DNAJC5: variants seen among roughly 807,000 people sequenced by gnomAD.
DNAJC5 encodes DnaJ heat shock protein family (Hsp40) member C5, also known as dnaJ homolog subfamily C member 5.
DNAJC5 carries 1 observed loss-of-function variant against 23.2 expected under a neutral mutation model. The observed-to-expected ratio is 0.04, with a 90% CI of 0.02 to 0.20. The LOEUF is 0.20. Among genes scored for constraint, DNAJC5 ranks in the 10% least tolerant of loss-of-function variants. DNAJC5 has a pLI of 1.00. For missense variants in DNAJC5, 180 were observed against 267.0 expected (o/e 0.67, Z 2.27); for synonymous variants, 136 against 120.0 (o/e 1.13, Z -0.87).
intron 1 of DNAJC5, among the ~76,000 whole-genome samples, chr20:63,904,627 A>G (rs776899502): frequency 5.3e-5 from 8 of 152,146 alleles, no homozygotes; most frequent in Non-Finnish European, 1.2e-4. Context: ...CTGGTTAAGG[A>G]TAAATAGGCA....
intron 1 of DNAJC5, among the ~76,000 whole-genome samples, chr20:63,902,956 C>T (rs181174588): frequency 2.2e-4 from 33 of 152,086 alleles, no homozygotes; most frequent in African/African-American, 7.7e-4. Flanking sequence ...GGATTAGAGG[C>T]GTGAGCCACC....
intron 1 of DNAJC5, among the ~76,000 whole-genome samples, chr20:63,895,555 G>A (rs2053368957): frequency 6.6e-6 from 1 of 150,472 alleles, no homozygotes; most frequent in Non-Finnish European, 1.5e-5. Context: ...GGGCCGGGCC[G>A]GGCCGGGGGT....
chr20:63,905,749 T>C (rs952072862), intron 1 of DNAJC5, among the ~76,000 whole-genome samples: 2 of 150,992 alleles, frequency 1.3e-5, no homozygotes, highest in Non-Finnish European at 3.0e-5. Flanking sequence ...TTTTTTTTTT[T>C]CTGGAGACAA....
chr20:63,931,044 C>CGT lies in DNAJC5; in HGVS notation c.493+34_493+35dup, dbSNP rs770258195. The CGT allele has an allele frequency of 9.8e-5, 157 of 1,608,048 alleles. No individual in the cohort carries two copies. The highest frequency in any genetic ancestry group is 3.3e-4 in the Middle Eastern group (2 of 6,050). ...AGGGGTGAGTGCCCGCCCCAGGGCCCGTGTGTGTGTGTGGGGCAGAGCCAG... is the reference window on the plus strand; with the variant it reads ...AGGGGTGAGTGCCCGCCCCAGGGCCCGTGTGTGTGTGTGTGGGGCAGAGCCAG... On this transcript the variant is annotated intron_variant, in intron 4 of 4. Coordinates refer to ENST00000360864, the MANE Select transcript of DNAJC5 (RefSeq NM_025219.3). The surrounding 1 kb of genome is among the most constrained non-coding windows in gnomAD (Gnocchi z 9.6).
In DNAJC5 at chr20:63,934,230, C is replaced by T. The variant is rs2053698332; in HGVS notation, c.*2662C>T. On this transcript the variant is annotated 3_prime_UTR_variant, in exon 5 of 5. Coordinates refer to ENST00000360864, the MANE Select transcript of DNAJC5 (RefSeq NM_025219.3). ...TTTATTTCTCTCTTTCTTGAGTGGA[C>T]TGTTTCCCTATAATTAAAAGAGGTG... 1 of 152,246 alleles carries T rather than the reference C, an allele frequency of 6.6e-6. No homozygotes were observed. Among genetic ancestry groups the T allele is most frequent in the Admixed American group, 6.5e-5 (1 of 15,286 alleles). The allele number at this position is 152,246 out of a possible 1,614,324, so 9.4% of individuals were successfully genotyped here.
rs924691719 is a variant in DNAJC5 at position 63,916,260 on chromosome 20, C to T, written c.-11-12075C>T. 5.9e-5 allele frequency among the ~76,000 whole-genome samples: 9 copies of T among 152,186 alleles called. 1 individual carries two copies. Among genetic ancestry groups the T allele is most frequent in the Admixed American group, 3.3e-4 (5 of 15,270 alleles). ...ATCATGCCTGGTTATCGGGGGAACC[C>T]GCCCCCAATATTTCAATGTAGGTTC... On this transcript the variant is annotated intron_variant, in intron 1 of 4. Transcript: ENST00000360864.
intron 1 of DNAJC5, among the ~76,000 whole-genome samples, chr20:63,900,712 A>C (rs1300818974): frequency 1.3e-5 from 2 of 151,934 alleles, no homozygotes; most frequent in Non-Finnish European, 2.9e-5. Context: ...CAAAAAACTT[A>C]TTTCTATGAC....
intron 1 of DNAJC5, among the ~76,000 whole-genome samples, chr20:63,902,071 G>C (rs1257328684): frequency 2.0e-5 from 3 of 150,622 alleles, no homozygotes; most frequent in Non-Finnish European, 4.4e-5. Flanking sequence ...TTTTTTGGGT[G>C]GGGGACAGAG....
chr20:63,929,806 C>T lies in DNAJC5; in HGVS notation c.321+281C>T, dbSNP rs1441226710. On this transcript the variant is annotated intron_variant, in intron 3 of 4. Transcript: ENST00000360864. The surrounding 1 kb of genome is among the most constrained non-coding windows in gnomAD (Gnocchi z 8.6). ...TGCAGGGTTCCCAGCATTGCAGAGC[C>T]CATGCGTTGATGCCAGCAACTCTAC... is the stretch of plus-strand genomic sequence containing the variant. Among the ~76,000 whole-genome samples the T allele has an allele frequency of 6.6e-6, 1 of 152,230 alleles. No individual in the cohort carries two copies. The highest frequency in any genetic ancestry group is 2.4e-5 in the African/African-American group (1 of 41,460).
At position 63,931,149 on chromosome 20, in the gene DNAJC5, C is replaced by G; in HGVS notation, c.493+127C>G. ...GTGCCGCGAGTGTTTGTGGTGGCAG[C>G]TGGGACTGTTGAGGTGTGAACGTGG... is the stretch of plus-strand genomic sequence containing the variant. On this transcript the variant is annotated intron_variant, in intron 4 of 4. Transcript: ENST00000360864. The surrounding 1 kb of genome is among the most constrained non-coding windows in gnomAD (Gnocchi z 9.6). 9.2e-7 allele frequency: 1 copy of G among 1,082,428 alleles called. No homozygotes were observed. Among genetic ancestry groups the G allele is most frequent in the Non-Finnish European group, 1.4e-6 (1 of 730,378 alleles). 67.1% of individuals were successfully genotyped at this position (1,082,428 alleles called of 1,614,324 possible).
At position 63,933,447 on chromosome 20, in the gene DNAJC5, T is replaced by TG; in HGVS notation, c.*1879_*1880insG. The TG allele has an allele frequency of 6.6e-6, 1 of 152,432 alleles. No homozygotes were observed. Among genetic ancestry groups the TG allele is most frequent in the East Asian group, 1.9e-4 (1 of 5,314 alleles). The allele number at this position is 152,432 out of a possible 1,614,324, so 9.4% of individuals were successfully genotyped here. A position where few individuals can be genotyped will look rare whatever the true frequency, so the allele number is the denominator to read the frequency against. ...CCTGGGCAGCTTTGTTTGTCCCACT[T>TG]TTCTTTGTTTCTTCTCACTAAAATG... On this transcript the variant is annotated 3_prime_UTR_variant, in exon 5 of 5. Coordinates refer to ENST00000360864, the MANE Select transcript of DNAJC5 (RefSeq NM_025219.3).
At chr20:63,903,008 T>C (rs1440035613) in intron 1 of DNAJC5, among the ~76,000 whole-genome samples, 1 of 151,114 alleles carries the variant, frequency 6.6e-6, no homozygotes, top group Non-Finnish European at 1.5e-5. Flanking sequence ...AGGGTGTCAC[T>C]CTGTCTCTCA....
chr20:63,901,930 C>G (rs1014833498), intron 1 of DNAJC5, among the ~76,000 whole-genome samples: 2 of 152,196 alleles, frequency 1.3e-5, no homozygotes, highest in Non-Finnish European at 2.9e-5. Context: ...CCTTTTACCA[C>G]AGCACTTTGG....
rs2146310675 is a variant in DNAJC5, at chr20:63,932,282, T to C, written c.*714T>C. 1 of 153,030 alleles carries C rather than the reference T, an allele frequency of 6.5e-6. No homozygotes were observed. 9.5% of individuals were successfully genotyped at this position (153,030 alleles called of 1,614,324 possible). On this transcript the variant is annotated 3_prime_UTR_variant, in exon 5 of 5. Coordinates refer to ENST00000360864, the MANE Select transcript of DNAJC5 (RefSeq NM_025219.3). The surrounding 1 kb of genome is among the most constrained non-coding windows in gnomAD (Gnocchi z 4.4). ...GGTTGACACCGTGTCCTCCGCGGTG[T>C]TTCTCGCCTGGTCGTCTCGTCGTGT...
chr20:63,896,324 G>C (rs1301764589), intron 1 of DNAJC5, among the ~76,000 whole-genome samples: 1 of 152,194 alleles, frequency 6.6e-6, no homozygotes, highest in Non-Finnish European at 1.5e-5. Flanking sequence ...TTAGAAGCCT[G>C]GATCTAAGGG....
chr20:63,922,251 C>T (rs189658898), intron 1 of DNAJC5, among the ~76,000 whole-genome samples: 3 of 151,436 alleles, frequency 2.0e-5, no homozygotes, highest in African/African-American at 4.8e-5. Flanking sequence ...CACCTGAGGT[C>T]AGGAGTTCAA....
intron 3 of DNAJC5, 46 bp from the exon 4 acceptor site, chr20:63,930,805 C>T (rs1364240911): frequency 1.2e-6 from 2 of 1,610,152 alleles, no homozygotes; most frequent in South Asian, 1.1e-5. Flanking sequence ...GCCTCCCTCT[C>T]CAGGGGCCTC....
At chr20:63,902,055 CT>C (rs554884335) in intron 1 of DNAJC5, among the ~76,000 whole-genome samples, 207 of 145,310 alleles carry the variant, frequency 1.4e-3, no homozygotes, top group African/African-American at 1.6e-3. Flanking sequence ...AATAATAATG[CT>C]TTTTTTTTTT....
intron 1 of DNAJC5, among the ~76,000 whole-genome samples, chr20:63,926,583 G>A (rs942408691): frequency 1.3e-5 from 2 of 152,192 alleles, no homozygotes; most frequent in African/African-American, 2.4e-5. Context: ...TTATGGAGAC[G>A]GAATCTCATG....
Sources: allele counts gnomAD v4.1 joint callset (sites outside exome capture counted in the v4.1 genomes callset), GRCh38; gene constraint gnomAD v4.1.1; non-coding constraint Gnocchi (gnomAD v3.1); transcripts MANE v1.5; gene names NCBI Gene and HGNC (gene_info 2026-07-23, HGNC 2026-07-21).